SPAG7: variants seen among roughly 807,000 people sequenced by gnomAD.
The protein encoded by SPAG7 is sperm associated antigen 7, also known as sperm-associated antigen 7.
SPAG7 carries 20 observed loss-of-function variants against 30.6 expected under a neutral mutation model. That is an observed-to-expected ratio of 0.65 (90% CI 0.46 to 0.95). SPAG7 has a LOEUF of 0.95. SPAG7 is among the 40% of genes least tolerant of loss of function. The probability of loss-of-function intolerance (pLI) is 0.00; values close to 1 mark genes in which losing one functional copy is unlikely to be tolerated. For synonymous variants in SPAG7, 127 were observed against 104.2 expected, an observed-to-expected ratio of 1.22 and a Z score of -1.33; for missense variants, 276 against 291.1, an observed-to-expected ratio of 0.95 and a Z score of 0.38.
rs764369476 is a variant in SPAG7, at chr17:4,967,813, T to A, written c.-9A>T. ...CCCAGTAGGTCCGCCATCTTGGGAG[T>A]GACTGAGAGGGGGCGGTGCGTCTTA... On this transcript the variant is annotated 5_prime_UTR_variant, in exon 1 of 7. Transcript: ENST00000206020. 5.6e-6 allele frequency: 9 copies of A among 1,606,094 alleles called. No individual in the cohort carries two copies. The East Asian group carries it at 2.0e-4, about 36-fold the overall frequency.
chr17:4,963,883 T>C (rs1465507705), intron 1 of SPAG7, among the ~76,000 whole-genome samples: 1 of 152,130 alleles, frequency 6.6e-6, no homozygotes, highest in East Asian at 1.9e-4. Flanking sequence ...TGTCCAAGGT[T>C]AGCTGTGAAG....
chr17:4,959,591 C>T lies in SPAG7; in HGVS notation c.627G>A (p.Glu209=). ...GCCGCAGACGCTTCTTGGCTCTGAT[C>T]TCATTCATAGCCTCTTCAATGGAGC... ...DTRSIEEAMN[E]IRAKKRLRQS... The change falls in exon 7 of 7, where the codon GAG becomes GAA. Residue 209 remains glutamate (E), a synonymous_variant. Transcript: ENST00000206020. 6.2e-7 allele frequency: 1 copy of T among 1,614,160 alleles called. No homozygotes were observed. Among genetic ancestry groups the T allele is most frequent in the Non-Finnish European group, 8.5e-7 (1 of 1,180,034 alleles).
Position 4,959,270 on chromosome 17 carries a change from T to A in SPAG7, c.*264A>T. The stretch of plus-strand genomic sequence containing the variant: ...TTGAATGTAAAGTACCCCAGCCCCA[T>A]GGGGAAGAAAATTCCAAGAACGGGG... On this transcript the variant is annotated 3_prime_UTR_variant, in exon 7 of 7. Coordinates refer to ENST00000206020, the MANE Select transcript of SPAG7 (RefSeq NM_004890.3). 1 of 541,540 alleles carries A rather than the reference T, an allele frequency of 1.8e-6. No individual in the cohort carries two copies. The allele number at this position is 541,540 out of a possible 1,614,324, so 33.5% of individuals were successfully genotyped here. A position where few individuals can be genotyped will look rare whatever the true frequency, so the allele number is the denominator to read the frequency against.
intron 1 of SPAG7, among the ~76,000 whole-genome samples, chr17:4,965,167 C>T (rs1971929419): frequency 6.6e-6 from 1 of 152,262 alleles, no homozygotes; most frequent in African/African-American, 2.4e-5. Context: ...CCCGCCTCAG[C>T]CTCCCAAAGT....
At chr17:4,960,724 C>A (rs1177913190) in intron 2 of SPAG7, 62 bp downstream of exon 2, 2 of 1,545,388 alleles carry the variant, frequency 1.3e-6, no homozygotes, top group Non-Finnish European at 1.8e-6. Flanking sequence ...CCTCAACCTT[C>A]CAATTTTAAC....
At chr17:4,967,342 C>A (rs1472135938) in intron 1 of SPAG7, 1 of 441,822 alleles carries the variant, frequency 2.3e-6, no homozygotes, top group African/African-American at 2.1e-5. Context: ...GAGATGAAGG[C>A]ACAGTAGATG....
chr17:4,961,663 G>A (rs1971865833), intron 1 of SPAG7, among the ~76,000 whole-genome samples: 1 of 149,842 alleles, frequency 6.7e-6, no homozygotes, highest in Non-Finnish European at 1.5e-5. Context: ...TACTCGGGAG[G>A]CTGAGGCAGG....
In SPAG7 at chr17:4,959,519, A is replaced by G. The variant is rs1231125366; in HGVS notation, c.*15T>C. 1 of 1,605,500 alleles carries G rather than the reference A, an allele frequency of 6.2e-7. No homozygotes were observed. The highest frequency in any genetic ancestry group is 1.1e-5 in the South Asian group (1 of 90,918). On this transcript the variant is annotated 3_prime_UTR_variant, in exon 7 of 7. Coordinates refer to ENST00000206020, the MANE Select transcript of SPAG7 (RefSeq NM_004890.3). The stretch of plus-strand genomic sequence containing the variant: ...CTGCCCTGCCCCAGGGGTCAAAGGG[A>G]GCTGGGCGGGGCGCCTAGGAGGTTG...
rs2151146938 is a variant in SPAG7, at chr17:4,960,063, C to T, written c.376G>A (p.Glu126Lys). ...TCCTCAGCCTTCTGGGGGTCCCATT[C>T]CTCTCCACGACGGTAAGAGTCTAGC... ...EELDSYRRGE[E>K]WDPQKAEEKR... is the part of the protein sequence containing the mutation. Residue 126 changes from glutamate (E) to lysine (K), a missense_variant, in exon 5 of 7, where the codon GAA (glutamate) becomes AAA (lysine). Coordinates refer to ENST00000206020, the MANE Select transcript of SPAG7 (RefSeq NM_004890.3). 6.2e-7 allele frequency: 1 copy of T among 1,614,186 alleles called. No homozygotes were observed. The highest frequency in any genetic ancestry group is 8.5e-7 in the Non-Finnish European group (1 of 1,180,022).
chr17:4,960,565 G>A lies in SPAG7; in HGVS notation c.154-18C>T, dbSNP rs780498751. ...TTCTCCATCTTGGGAGAGGGGAAAG[G>A]AAGCAGATATGAGACAATGGCTCCA... On this transcript the variant is annotated intron_variant, in intron 2 of 6. Coordinates refer to ENST00000206020, the MANE Select transcript of SPAG7 (RefSeq NM_004890.3). The A allele has an allele frequency of 6.3e-7, 1 of 1,593,770 alleles. No individual in the cohort carries two copies. The highest frequency in any genetic ancestry group is 8.6e-7 in the Non-Finnish European group (1 of 1,165,830).
At chr17:4,960,425 C>A (rs780080524) in intron 3 of SPAG7, 34 bp downstream of exon 3, 3 of 1,599,546 alleles carry the variant, frequency 1.9e-6, no homozygotes, top group Non-Finnish European at 2.6e-6. Flanking sequence ...GCTAGCCACC[C>A]ATTTCCTTCC....
intron 2 of SPAG7, 112 bp downstream of exon 2, chr17:4,960,674 A>G (rs1597711390): frequency 1.5e-6 from 2 of 1,369,960 alleles, no homozygotes; most frequent in Non-Finnish European, 2.1e-6. Flanking sequence ...ACTGGCTTCC[A>G]TGCGTCACCT....
At chr17:4,967,436 C>A (rs1971980564) in intron 1 of SPAG7, among the ~76,000 whole-genome samples, 1 of 152,160 alleles carries the variant, frequency 6.6e-6, no homozygotes, top group Non-Finnish European at 1.5e-5. Flanking sequence ...CCAATCAGAC[C>A]AGGTCAGCAG....
chr17:4,965,444 C>A (rs1369404432), intron 1 of SPAG7, among the ~76,000 whole-genome samples: 1 of 152,072 alleles, frequency 6.6e-6, no homozygotes, highest in Non-Finnish European at 1.5e-5. Context: ...TCAGTTACTT[C>A]TTCCCCTGGG....
Position 4,959,911 on chromosome 17 carries a change from C to T in SPAG7, c.423G>A (p.Leu141=). 1 of 1,613,238 alleles carries T rather than the reference C, an allele frequency of 6.2e-7. No homozygotes were observed. Among genetic ancestry groups the T allele is most frequent in the Non-Finnish European group, 8.5e-7 (1 of 1,179,942 alleles). ...CTGCCTCCTCCTCTTGCCTCTGGGCCAGCTCCTAGGGGTGAAAGTGGGGGC... is the reference window on the plus strand; with the variant it reads ...CTGCCTCCTCCTCTTGCCTCTGGGCTAGCTCCTAGGGGTGAAAGTGGGGGC... ...KAEEKRKLKE[L]AQRQEEEAAQ... is the part of the protein sequence containing the mutation. Residue 141 remains leucine, a synonymous_variant, in exon 6 of 7, where the codon CTG becomes CTA. Coordinates refer to ENST00000206020, the MANE Select transcript of SPAG7 (RefSeq NM_004890.3).
In SPAG7 at chr17:4,963,985, T is replaced by A. The variant is rs544124418; in HGVS notation, c.86-3132A>T. Among the ~76,000 whole-genome samples, 306 of 152,084 alleles carry A rather than the reference T, an allele frequency of 2.0e-3. 1 individual carries two copies. The highest frequency in any genetic ancestry group is 6.8e-3 in the African/African-American group (283 of 41,462). On this transcript the variant is annotated intron_variant, in intron 1 of 6. Coordinates refer to ENST00000206020, the MANE Select transcript of SPAG7 (RefSeq NM_004890.3). ...CCCCATCTTTACAGAAAACTTTTTT[T>A]AAAAAAATTAGCCAGGTCTGGGTGC...
rs2240288 is a variant in SPAG7 at position 4,967,163 on chromosome 17, T to C, written c.85+557A>G. The C allele has an allele frequency of 1.1e-3, 1,074 of 985,714 alleles. 40 individuals carry two copies. The East Asian group carries it at 0.084, about 77-fold the overall frequency. The allele number at this position is 985,714 out of a possible 1,614,324, so 61.1% of individuals were successfully genotyped here. A position where few individuals can be genotyped will look rare whatever the true frequency, so the allele number is the denominator to read the frequency against. On this transcript the variant is annotated intron_variant, in intron 1 of 6. Coordinates refer to ENST00000206020, the MANE Select transcript of SPAG7 (RefSeq NM_004890.3). Reference sequence around the variant, plus strand: ...CAGCTCGGGAATTTAAGGCTACGGATGGGAAAAAGGTTGTCGGAGGGAGGC... The same window carrying C: ...CAGCTCGGGAATTTAAGGCTACGGACGGGAAAAAGGTTGTCGGAGGGAGGC...
At chr17:4,963,229 T>C (rs1319435725) in intron 1 of SPAG7, among the ~76,000 whole-genome samples, 2 of 151,880 alleles carry the variant, frequency 1.3e-5, no homozygotes, top group African/African-American at 4.8e-5. Context: ...CCTGTCTCTA[T>C]AAAAAATAAA....
chr17:4,960,411 C>T, intron 3 of SPAG7, 48 bp downstream of exon 3: 1 of 1,596,138 alleles, frequency 6.3e-7, no homozygotes, highest in South Asian at 1.1e-5. Flanking sequence ...CCCTTTCATG[C>T]CCCGCTAGCC....
Sources: allele counts gnomAD v4.1 joint callset (sites outside exome capture counted in the v4.1 genomes callset), GRCh38; gene constraint gnomAD v4.1.1; transcripts MANE v1.5; gene names NCBI Gene and HGNC (gene_info 2026-07-23, HGNC 2026-07-21).